The following ROBO1 variants were observed in gnomAD, a reference collection of about 807,000 sequenced individuals.
ROBO1 encodes the protein roundabout guidance receptor 1.
A neutral mutation model predicts 195.9 loss-of-function variants in ROBO1; 149 were observed. The observed-to-expected ratio is 0.76, with a 90% CI of 0.67 to 0.87. ROBO1 has a LOEUF of 0.87. ROBO1 is among the 40% of genes least tolerant of loss of function. The pLI is 0.00. For missense variants in ROBO1, 1,933 were observed against 2,068.3 expected (o/e 0.93, Z 1.27); for synonymous variants, 816 against 733.2 (o/e 1.11, Z -1.82).
At chr3:79,302,246 A>G in intron 2 of ROBO1, among the ~76,000 whole-genome samples, 1 of 152,156 alleles carries the variant, frequency 6.6e-6, no homozygotes. Context: ...ACTGCTCGCC[A>G]CCTGATATGG....
intron 1 of ROBO1, among the ~76,000 whole-genome samples, chr3:79,734,575 A>G (rs1362605693): frequency 6.6e-6 from 1 of 152,234 alleles, no homozygotes; most frequent in African/African-American, 2.4e-5. Context: ...CATACTGAGA[A>G]GCTTCACTGG....
chr3:79,136,154 TC>T (rs2080404309), intron 2 of ROBO1, among the ~76,000 whole-genome samples: 1 of 152,154 alleles, frequency 6.6e-6, no homozygotes, highest in South Asian at 2.1e-4. Flanking sequence ...TTGTTTATCA[TC>T]CCATGGTAGC....
chr3:79,342,950 G>A (rs2034967533), intron 2 of ROBO1, among the ~76,000 whole-genome samples: 1 of 152,110 alleles, frequency 6.6e-6, no homozygotes, highest in South Asian at 2.1e-4. Context: ...TACCACTATA[G>A]TATTATAGGA....
chr3:79,565,909 T>C (rs1943074162), intron 2 of ROBO1, among the ~76,000 whole-genome samples: 1 of 152,136 alleles, frequency 6.6e-6, no homozygotes, highest in African/African-American at 2.4e-5. Context: ...ATTCAAGTAA[T>C]AAATTAAATG....
At chr3:78,612,626 T>C (rs1286331148) in intron 28 of ROBO1, among the ~76,000 whole-genome samples, 1 of 152,250 alleles carries the variant, frequency 6.6e-6, no homozygotes, top group African/African-American at 2.4e-5. Context: ...AGACACAGCA[T>C]TGTTATTTTG....
intron 2 of ROBO1, among the ~76,000 whole-genome samples, chr3:79,151,574 A>C (rs1333046346): frequency 1.3e-5 from 2 of 151,610 alleles, no homozygotes; most frequent in Non-Finnish European, 2.9e-5. Flanking sequence ...AGTGATTTCT[A>C]TTTTGCTTTA....
At chr3:78,768,618 ATATT>A (rs1478173637) in intron 4 of ROBO1, among the ~76,000 whole-genome samples, 15 of 151,436 alleles carry the variant, frequency 9.9e-5, no homozygotes, top group Admixed American at 9.9e-4. Flanking sequence ...ATGTACATAT[ATATT>A]GTTGAAGGCA....
chr3:78,760,879 C>A (rs185861848), intron 4 of ROBO1, among the ~76,000 whole-genome samples: 14 of 152,074 alleles, frequency 9.2e-5, no homozygotes, highest in African/African-American at 4.8e-5. Context: ...TAGCCTCAAG[C>A]AATCCTCCTG....
At chr3:78,986,245 G>A (rs2077103525) in intron 3 of ROBO1, among the ~76,000 whole-genome samples, 1 of 152,108 alleles carries the variant, frequency 6.6e-6, no homozygotes, top group Non-Finnish European at 1.5e-5. Flanking sequence ...TCACCATTTG[G>A]TGCCCTGGAT....
intron 1 of ROBO1, among the ~76,000 whole-genome samples, chr3:79,684,648 T>G (rs974555287): frequency 3.3e-5 from 5 of 151,900 alleles, no homozygotes; most frequent in Non-Finnish European, 7.4e-5. Flanking sequence ...TGCATACTCC[T>G]GAATTATGAT....
At chr3:79,237,583 G>A (rs1202292182) in intron 2 of ROBO1, among the ~76,000 whole-genome samples, 2 of 152,084 alleles carry the variant, frequency 1.3e-5, no homozygotes, top group African/African-American at 4.8e-5. Context: ...AGATTGTTAT[G>A]CATGATGAGA....
intron 2 of ROBO1, among the ~76,000 whole-genome samples, chr3:79,270,980 T>C (rs1037715205): frequency 2.6e-5 from 4 of 152,056 alleles, no homozygotes; most frequent in Non-Finnish European, 5.9e-5. Flanking sequence ...TCACTACCAT[T>C]GTAACATGAT....
intron 23 of ROBO1, chr3:78,634,588 G>T: frequency 3.7e-6 from 1 of 268,752 alleles, no homozygotes; most frequent in Non-Finnish European, 8.3e-6. Context: ...ATATTTGTGC[G>T]GAGGCTCTCA....
intron 4 of ROBO1, among the ~76,000 whole-genome samples, chr3:78,826,623 C>T (rs1052431482): frequency 1.3e-5 from 2 of 152,144 alleles, no homozygotes; most frequent in Non-Finnish European, 2.9e-5. Flanking sequence ...AGAATCTATG[C>T]TTCTTGGACA....
At position 78,938,663 on chromosome 3, in the gene ROBO1, A is replaced by T. The variant is rs2039953968; in HGVS notation, c.437T>A (p.Val146Asp). The T allele has an allele frequency of 1.5e-5, 25 of 1,614,006 alleles. No individual in the cohort carries two copies. Among genetic ancestry groups the T allele is most frequent in the Non-Finnish European group, 1.9e-5 (22 of 1,179,896 alleles). Reference sequence around the variant, plus strand: ...TCCAAGGTAATTCCTTGCTACACAGACATAGACTCCTTCATCAGGTCTACT... The same window carrying T: ...TCCAAGGTAATTCCTTGCTACACAGTCATAGACTCCTTCATCAGGTCTACT... ...RKSRPDEGVY[V>D]CVARNYLGEA... The change falls in exon 4 of 31, where the codon GTC (valine) becomes GAC (aspartate). Residue 146 changes from valine (V) to aspartate (D), a missense_variant. Around this residue, in one of 3 missense-constraint regions of ROBO1, gnomAD observed 1,737 missense variants for 1,882.5 expected, o/e 0.92. Coordinates refer to ENST00000464233, the MANE Select transcript of ROBO1 (RefSeq NM_002941.4).
intron 26 of ROBO1, among the ~76,000 whole-genome samples, chr3:78,627,088 G>A (rs985318174): frequency 6.6e-6 from 1 of 152,114 alleles, no homozygotes; most frequent in Admixed American, 6.6e-5. Context: ...TTGTAAGTGG[G>A]TGAGTATTAA....
chr3:79,141,567 G>GTTT (rs11315738), intron 2 of ROBO1, among the ~76,000 whole-genome samples: 11 of 139,406 alleles, frequency 7.9e-5, no homozygotes, highest in Admixed American at 1.4e-4. Context: ...TGCTGTTGTT[G>GTTT]TTTTTTTTTT....
intron 2 of ROBO1, among the ~76,000 whole-genome samples, chr3:79,515,967 A>G (rs578243946): frequency 4.6e-5 from 7 of 152,192 alleles, no homozygotes; most frequent in Non-Finnish European, 7.3e-5. Flanking sequence ...CTGTGCATAT[A>G]TAGCCTGAAA....
intron 3 of ROBO1, among the ~76,000 whole-genome samples, chr3:78,994,191 GGTCACAAGT>G (rs1576530350): frequency 6.6e-6 from 1 of 152,064 alleles, no homozygotes; most frequent in East Asian, 1.9e-4. Flanking sequence ...ATTCCTGGAT[GGTCACAAGT>G]AACCTTATGC....
Sources: gnomAD v4.1 joint callset for allele counts (sites outside exome capture counted in the v4.1 genomes callset) on GRCh38, gnomAD v4.1.1 for gene constraint, gnomAD v4.1.1 regional missense constraint, MANE v1.5 for transcripts, NCBI Gene and HGNC (gene_info 2026-07-23, HGNC 2026-07-21) for gene names.